KRTAP24-1: variants seen among roughly 807,000 people sequenced by gnomAD.
KRTAP24-1 encodes the protein keratin associated protein 24-1, also known as keratin-associated protein 24-1.
For missense variants in KRTAP24-1, 344 were observed against 303.2 expected (o/e 1.13, Z -1.00); for synonymous variants, 133 against 116.3 (o/e 1.14, Z -0.92).
chr21:30,282,314 T>G lies in KRTAP24-1; in HGVS notation c.619A>C (p.Asn207His). The G allele has an allele frequency of 6.2e-7, 1 of 1,614,066 alleles. No individual in the cohort carries two copies. Residue 207 changes from asparagine to histidine, a missense_variant, in exon 1 of 1, where the codon AAT (asparagine) becomes CAT (histidine). By Grantham distance (68) the Asn-to-His change is moderately conservative (BLOSUM62 1). Transcript: ENST00000340345. ...GGCCTGTAGCTTGAATAGTGATAAT[T>G]TCTCACTAAATAGCTTTGGGGTTGG... ...SCQPQSYLVR[N>H]YHYSSYRPTS...
rs1415686983 is a variant in KRTAP24-1, at chr21:30,282,195, A to G, written c.738T>C (p.Ser246=). The change falls in exon 1 of 1, where the codon AGT becomes AGC. Residue 246 remains serine, a synonymous_variant. Transcript: ENST00000340345. ...AATAGCATTTCAGAGGTCTGCTACC[A>G]CTGCACAAATACCTCAGAGGTGGAA... ...STFPPLRYLC[S]GSRPLKCY 5 of 1,613,292 alleles carry G rather than the reference A, an allele frequency of 3.1e-6. No homozygotes were observed. The African/African-American group carries it at 4.0e-5, about 13-fold the overall frequency.
rs757169645 is a variant in KRTAP24-1, at chr21:30,282,458, A to G, written c.475T>C (p.Ser159Pro). 1.9e-6 allele frequency: 3 copies of G among 1,614,188 alleles called. No homozygotes were observed. In the South Asian group the frequency reaches 3.3e-5, roughly 18 times the overall value. ...SNCFGQLNCL[S>P]KSFQTLNHCR... ...TGGTTTAGAGTTTGGAAACTCTTGG[A>G]TAAGCAGTTAAGTTGTCCAAAGCAG... is the stretch of plus-strand genomic sequence containing the variant. The change falls in exon 1 of 1, where the codon TCC becomes CCC. Residue 159 changes from serine (S) to proline (P), a missense_variant. Coordinates refer to ENST00000340345, the MANE Select transcript of KRTAP24-1 (RefSeq NM_001085455.3).
Position 30,282,342 on chromosome 21 carries a change from G to T in KRTAP24-1, c.591C>A (p.Ser197Arg). The T allele has an allele frequency of 6.2e-7, 1 of 1,614,168 alleles. No individual in the cohort carries two copies. The highest frequency in any genetic ancestry group is 8.5e-7 in the Non-Finnish European group (1 of 1,180,016). ...YVSPLCYISN[S>R]CQPQSYLVRN... ...TCACTAAATAGCTTTGGGGTTGGCA[G>T]CTGTTGGAAATATAACATAATGGTG... The change falls in exon 1 of 1, where the codon AGC (serine) becomes AGA (arginine). Residue 197 changes from serine (S) to arginine (R), a missense_variant. Ser to Arg is a moderately radical substitution (Grantham distance 110). Transcript: ENST00000340345.
In KRTAP24-1 at chr21:30,282,788, T is replaced by C; in HGVS notation, c.145A>G (p.Ser49Gly). ...LSPTFGHCLP[S>G]SYQGNLWLLD... ...AGCCAGAGATTTCCTTGGTAGCTACTGGGTAAGCAGTGTCCAAAGGTAGGG... is the reference window on the plus strand; with the variant it reads ...AGCCAGAGATTTCCTTGGTAGCTACCGGGTAAGCAGTGTCCAAAGGTAGGG... Residue 49 changes from serine (S) to glycine (G), a missense_variant, in exon 1 of 1, where the codon AGT (serine) becomes GGT (glycine). Physicochemically the swap from Ser to Gly is moderately conservative, Grantham distance 56. Transcript: ENST00000340345. 1 of 1,614,124 alleles carries C rather than the reference T, an allele frequency of 6.2e-7. No homozygotes were observed. The highest frequency in any genetic ancestry group is 8.5e-7 in the Non-Finnish European group (1 of 1,179,994).
Position 30,282,532 on chromosome 21 carries a change from G to A in KRTAP24-1, c.401C>T (p.Pro134Leu). The change falls in exon 1 of 1, where the codon CCC (proline) becomes CTC (leucine). Residue 134 changes from proline to leucine, a missense_variant. Physicochemically the swap from Pro to Leu is moderately conservative, Grantham distance 98. Coordinates refer to ENST00000340345, the MANE Select transcript of KRTAP24-1 (RefSeq NM_001085455.3). ...TNGYVCNCHIPTRNASKACQT... is the reference protein window; with the variant it reads ...TNGYVCNCHILTRNASKACQT... ...GCAGGCTTTGGATGCATTTCGAGTG[G>A]GTATGTGGCAATTGCATACATACCC... 5 of 1,611,658 alleles carry A rather than the reference G, an allele frequency of 3.1e-6. No homozygotes were observed. Among genetic ancestry groups the A allele is most frequent in the Non-Finnish European group, 4.2e-6 (5 of 1,178,680 alleles).
rs780495923 is a variant in KRTAP24-1 at position 30,282,709 on chromosome 21, C to T, written c.224G>A (p.Ser75Asn). 5.0e-6 allele frequency: 8 copies of T among 1,613,378 alleles called. No individual in the cohort carries two copies. Reference protein sequence around the residue: ...YGEAPTCKSPSCEPKTCSTTG... With the variant: ...YGEAPTCKSPNCEPKTCSTTG... Reference sequence around the variant, plus strand: ...GGTACTGCAGGTCTTGGGCTCACAGCTGGGAGATTTGCAGGTTGGTGCTTC... The same window carrying T: ...GGTACTGCAGGTCTTGGGCTCACAGTTGGGAGATTTGCAGGTTGGTGCTTC... Residue 75 changes from serine (S) to asparagine (N), a missense_variant, in exon 1 of 1, where the codon AGC becomes AAC. Physicochemically the swap from Ser to Asn is conservative, Grantham distance 46. Transcript: ENST00000340345.
chr21:30,282,567 G>A lies in KRTAP24-1; in HGVS notation c.366C>T (p.Thr122=), dbSNP rs375683655. 47 of 1,598,576 alleles carry A rather than the reference G, an allele frequency of 2.9e-5. No individual in the cohort carries two copies. Among genetic ancestry groups the A allele is most frequent in the Non-Finnish European group, 3.9e-5 (46 of 1,172,090 alleles). The part of the protein sequence containing the change: ...VSPSPSCSPS[T]QTNGYVCNCH... ...AATTGCATACATACCCATTGGTCTG[G>A]GTGCTTGGGCTGCAGCTGGGGCTGG... The change falls in exon 1 of 1, where the codon ACC becomes ACT. Residue 122 remains threonine (T), a synonymous_variant. Transcript: ENST00000340345.
Position 30,282,826 on chromosome 21 carries a change from G to A in KRTAP24-1, c.107C>T (p.Ser36Phe). Reference sequence around the variant, plus strand: ...TCCAAAGGTAGGGCTTAAATCACTGGAGCTAAGAGTAACAGAAGAGGTCAC... The same window carrying A: ...TCCAAAGGTAGGGCTTAAATCACTGAAGCTAAGAGTAACAGAAGAGGTCAC... ...IPVTSSVTLSSSDLSPTFGHC... is the reference protein window; with the variant it reads ...IPVTSSVTLSFSDLSPTFGHC... The change falls in exon 1 of 1, where the codon TCC (serine) becomes TTC (phenylalanine). Residue 36 changes from serine (S) to phenylalanine (F), a missense_variant. Coordinates refer to ENST00000340345, the MANE Select transcript of KRTAP24-1 (RefSeq NM_001085455.3). 2 of 1,613,926 alleles carry A rather than the reference G, an allele frequency of 1.2e-6. No homozygotes were observed. Among genetic ancestry groups the A allele is most frequent in the African/African-American group, 2.7e-5 (2 of 75,022 alleles).
chr21:30,281,802 A>T lies in KRTAP24-1; in HGVS notation c.*366T>A. On this transcript the variant is annotated 3_prime_UTR_variant, in exon 1 of 1. Transcript: ENST00000340345. ...AGTCAAACCATGGAGGCCCCATTTC[A>T]TCAGGAAAGGTAGGTGATAATCACA... The T allele has an allele frequency of 5.4e-6, 1 of 184,912 alleles. No homozygotes were observed. The allele number at this position is 184,912 out of a possible 1,614,324, so 11.5% of individuals were successfully genotyped here. A position where few individuals can be genotyped will look rare whatever the true frequency, so the allele number is the denominator to read the frequency against.
rs372093500 is a variant in KRTAP24-1 at position 30,282,444 on chromosome 21, T to C, written c.489A>G (p.Gln163=). The change falls in exon 1 of 1, where the codon CAA becomes CAG. Residue 163 remains glutamine (Q), a synonymous_variant. Coordinates refer to ENST00000340345, the MANE Select transcript of KRTAP24-1 (RefSeq NM_001085455.3). ...GQLNCLSKSF[Q]TLNHCRLSTL... is the part of the protein sequence containing the mutation. The stretch of plus-strand genomic sequence containing the variant: ...TACTCAATCTGCAGTGGTTTAGAGT[T>C]TGGAAACTCTTGGATAAGCAGTTAA... 5.6e-6 allele frequency: 9 copies of C among 1,614,006 alleles called. No homozygotes were observed. In the African/African-American group the frequency reaches 1.1e-4, roughly 19 times the overall value.
chr21:30,282,494 T>C lies in KRTAP24-1; in HGVS notation c.439A>G (p.Asn147Asp). The change falls in exon 1 of 1, where the codon AAC becomes GAC. Residue 147 changes from asparagine (N) to aspartate (D), a missense_variant. By Grantham distance (23) the Asn-to-Asp change is conservative. Transcript: ENST00000340345. Reference sequence around the variant, plus strand: ...AGTTGTCCAAAGCAGTTGGAACCGTTGCGGAGGGTTTGGCAGGCTTTGGAT... The same window carrying C: ...AGTTGTCCAAAGCAGTTGGAACCGTCGCGGAGGGTTTGGCAGGCTTTGGAT... ...NASKACQTLR[N>D]GSNCFGQLNC... 6.2e-7 allele frequency: 1 copy of C among 1,614,070 alleles called. No individual in the cohort carries two copies. Among genetic ancestry groups the C allele is most frequent in the Non-Finnish European group, 8.5e-7 (1 of 1,179,972 alleles).
chr21:30,282,789 G>C lies in KRTAP24-1; in HGVS notation c.144C>G (p.Pro48=), dbSNP rs767410778. The part of the protein sequence containing the change: ...DLSPTFGHCL[P]SSYQGNLWLL... The stretch of plus-strand genomic sequence containing the variant: ...GCCAGAGATTTCCTTGGTAGCTACT[G>C]GGTAAGCAGTGTCCAAAGGTAGGGC... The change falls in exon 1 of 1, where the codon CCC becomes CCG. Residue 48 remains proline, a synonymous_variant. Transcript: ENST00000340345. 3 of 1,614,130 alleles carry C rather than the reference G, an allele frequency of 1.9e-6. No homozygotes were observed.
Position 30,282,116 on chromosome 21 carries a change from T to G in KRTAP24-1, c.*52A>C. The G allele has an allele frequency of 6.5e-7, 1 of 1,534,056 alleles. No homozygotes were observed. The highest frequency in any genetic ancestry group is 1.4e-5 in the African/African-American group (1 of 72,746). On this transcript the variant is annotated 3_prime_UTR_variant, in exon 1 of 1. Transcript: ENST00000340345. ...GAAAATTAGACGTTCTAGTACTTAG[T>G]AGAATCTTCCCCATTGGGCAATTTC...
Position 30,282,501 on chromosome 21 carries a change from G to A in KRTAP24-1, c.432C>T (p.Thr144=), listed in dbSNP as rs377041539. The A allele has an allele frequency of 1.1e-5, 17 of 1,613,820 alleles. No homozygotes were observed. The highest frequency in any genetic ancestry group is 1.4e-5 in the Non-Finnish European group (17 of 1,179,912). The change falls in exon 1 of 1, where the codon ACC becomes ACT. Residue 144 remains threonine (T), a synonymous_variant. Transcript: ENST00000340345. ...CAAAGCAGTTGGAACCGTTGCGGAG[G>A]GTTTGGCAGGCTTTGGATGCATTTC... is the stretch of plus-strand genomic sequence containing the variant. ...PTRNASKACQ[T]LRNGSNCFGQ... is the part of the protein sequence containing the mutation.
Position 30,282,768 on chromosome 21 carries a change from G to C in KRTAP24-1, c.165C>G (p.Leu55=), listed in dbSNP as rs1435394422. The change falls in exon 1 of 1, where the codon CTC becomes CTG. Residue 55 remains leucine (L), a synonymous_variant. Coordinates refer to ENST00000340345, the MANE Select transcript of KRTAP24-1 (RefSeq NM_001085455.3). ...ATTCTTGGCAGTAATCCAGGAGCCA[G>C]AGATTTCCTTGGTAGCTACTGGGTA... The part of the protein sequence containing the change: ...HCLPSSYQGN[L]WLLDYCQESY... 6.2e-7 allele frequency: 1 copy of C among 1,614,018 alleles called. No individual in the cohort carries two copies. Among genetic ancestry groups the C allele is most frequent in the African/African-American group, 1.3e-5 (1 of 74,916 alleles).
chr21:30,282,464 A>G lies in KRTAP24-1; in HGVS notation c.469T>C (p.Cys157Arg). Residue 157 changes from cysteine to arginine, a missense_variant, in exon 1 of 1, where the codon TGC (cysteine) becomes CGC (arginine). Physicochemically the swap from Cys to Arg is radical, Grantham distance 180 (BLOSUM62 -3). Coordinates refer to ENST00000340345, the MANE Select transcript of KRTAP24-1 (RefSeq NM_001085455.3). ...NGSNCFGQLN[C>R]LSKSFQTLNH... ...AGAGTTTGGAAACTCTTGGATAAGC[A>G]GTTAAGTTGTCCAAAGCAGTTGGAA... The G allele has an allele frequency of 1.2e-6, 2 of 1,614,170 alleles. No homozygotes were observed. Among genetic ancestry groups the G allele is most frequent in the Non-Finnish European group, 1.7e-6 (2 of 1,180,008 alleles).
rs764424949 is a variant in KRTAP24-1, at chr21:30,282,125, C to T, written c.*43G>A. The T allele has an allele frequency of 2.6e-6, 4 of 1,562,024 alleles. No homozygotes were observed. In the African/African-American group the frequency reaches 4.1e-5, roughly 16 times the overall value. ...ACGTTCTAGTACTTAGTAGAATCTTCCCCATTGGGCAATTTCCAGCTGCTA... is the reference window on the plus strand; with the variant it reads ...ACGTTCTAGTACTTAGTAGAATCTTTCCCATTGGGCAATTTCCAGCTGCTA... On this transcript the variant is annotated 3_prime_UTR_variant, in exon 1 of 1. Coordinates refer to ENST00000340345, the MANE Select transcript of KRTAP24-1 (RefSeq NM_001085455.3).
rs1209389302 is a variant in KRTAP24-1, at chr21:30,281,896, C to T, written c.*272G>A. 1 of 347,792 alleles carries T rather than the reference C, an allele frequency of 2.9e-6. No homozygotes were observed. The highest frequency in any genetic ancestry group is 5.2e-6 in the Non-Finnish European group (1 of 193,740). 21.5% of individuals were successfully genotyped at this position (347,792 alleles called of 1,614,324 possible). ...GATGGTTGTATTTCAAATGGAGTCT[C>T]TTCGGTAAGTCCATTGTAATAAATC... On this transcript the variant is annotated 3_prime_UTR_variant, in exon 1 of 1. Transcript: ENST00000340345.
chr21:30,282,607 G>A lies in KRTAP24-1; in HGVS notation c.326C>T (p.Thr109Ile), dbSNP rs1244142411. 10 of 1,588,680 alleles carry A rather than the reference G, an allele frequency of 6.3e-6. No homozygotes were observed. The highest frequency in any genetic ancestry group is 8.6e-6 in the Non-Finnish European group (10 of 1,167,684). The change falls in exon 1 of 1, where the codon ACT becomes ATT. Residue 109 changes from threonine (T) to isoleucine (I), a missense_variant. Thr to Ile is a moderately conservative substitution (Grantham distance 89, BLOSUM62 -1). Coordinates refer to ENST00000340345, the MANE Select transcript of KRTAP24-1 (RefSeq NM_001085455.3). Reference sequence around the variant, plus strand: ...GCTGGGGCTGGGGCTGACGTTGGTAGTTTCACAGACACTGAAGACTTGGCC... The same window carrying A: ...GCTGGGGCTGGGGCTGACGTTGGTAATTTCACAGACACTGAAGACTTGGCC... ...SAGQVFSVCETTNVSPSPSCS... is the reference protein window; with the variant it reads ...SAGQVFSVCEITNVSPSPSCS...
Sources: allele counts gnomAD v4.1 joint callset, GRCh38; gene constraint gnomAD v4.1.1; transcripts MANE v1.5; gene names NCBI Gene and HGNC (gene_info 2026-07-23, HGNC 2026-07-21).